ZNF280D: variants seen among roughly 807,000 people sequenced by gnomAD.
ZNF280D encodes the protein zinc finger protein 280D, also known as suppressor of hairy wing homolog 4.
Under a neutral mutation model 94.7 loss-of-function variants are expected in ZNF280D, and 39 were observed. That is an observed-to-expected ratio of 0.41 (90% CI 0.32 to 0.54). The LOEUF (loss-of-function observed/expected upper bound fraction) is 0.54, where lower values mean the gene tolerates loss of function less well. Among genes scored for constraint, ZNF280D ranks in the 20% least tolerant of loss-of-function variants. The pLI is 0.22. For missense variants in ZNF280D, 1,090 were observed against 1,149.3 expected (o/e 0.95, Z 0.75); for synonymous variants, 398 against 377.6 (o/e 1.05, Z -0.63).
Position 56,689,283 on chromosome 15 carries a change from C to G in ZNF280D, c.670+17G>C. On this transcript the variant is annotated intron_variant, in intron 8 of 21. Transcript: ENST00000267807. Reference sequence around the variant, plus strand: ...AAATACTATAACTTCTTTTTATGTACCACATTTCATATTTACCTTTTGCTA... The same window carrying G: ...AAATACTATAACTTCTTTTTATGTAGCACATTTCATATTTACCTTTTGCTA... 1 of 1,586,620 alleles carries G rather than the reference C, an allele frequency of 6.3e-7. No individual in the cohort carries two copies. The highest frequency in any genetic ancestry group is 8.5e-7 in the Non-Finnish European group (1 of 1,171,214).
Position 56,642,662 on chromosome 15 carries a change from T to G in ZNF280D, c.2259+290A>C, listed in dbSNP as rs143888011. Among the ~76,000 whole-genome samples the G allele has an allele frequency of 1.4e-4, 22 of 151,852 alleles. No homozygotes were observed. In the East Asian group the frequency reaches 4.2e-3, roughly 29 times the overall value. ...GCCAAATGATTGAGGTTTTACTGAT[T>G]TGGGGATTTTTAATTCATAAATTTA... On this transcript the variant is annotated intron_variant, in intron 20 of 21. Transcript: ENST00000267807.
intron 10 of ZNF280D, among the ~76,000 whole-genome samples, chr15:56,679,362 C>T (rs2055466047): frequency 6.6e-6 from 1 of 152,276 alleles, no homozygotes; most frequent in Non-Finnish European, 1.5e-5. Context: ...TTACTTGTAT[C>T]TTGGTTTCTA....
intron 17 of ZNF280D, chr15:56,654,828 T>C (rs1004982919): frequency 8.5e-6 from 4 of 472,064 alleles, no homozygotes; most frequent in East Asian, 1.3e-4. Flanking sequence ...ACATTCTATT[T>C]GTCCTCCCAC....
chr15:56,633,552 A>G (rs2052196252), intron 21 of ZNF280D, among the ~76,000 whole-genome samples: 1 of 151,736 alleles, frequency 6.6e-6, no homozygotes, highest in Non-Finnish European at 1.5e-5. Context: ...GTGCAGTGGC[A>G]TGATCTCGGC....
chr15:56,689,372 C>T lies in ZNF280D; in HGVS notation c.598G>A (p.Ala200Thr). The T allele has an allele frequency of 6.2e-7, 1 of 1,609,746 alleles. No individual in the cohort carries two copies. Among genetic ancestry groups the T allele is most frequent in the Non-Finnish European group, 8.5e-7 (1 of 1,177,938 alleles). The change falls in exon 8 of 22, where the codon GCA (alanine) becomes ACA (threonine). Residue 200 changes from alanine (A) to threonine (T), a missense_variant. This residue lies in a region of ZNF280D where 386 missense variants were observed against 372.0 expected (regional missense o/e 1.04). Transcript: ENST00000267807. ...KPKPSESVSG[A>T]NSSAVLPSVK... ...GAAGGTAATACAGCTGAGGAATTTGCTCCAGAAACACTTTCGCTGGGTTTA... is the reference window on the plus strand; with the variant it reads ...GAAGGTAATACAGCTGAGGAATTTGTTCCAGAAACACTTTCGCTGGGTTTA...
rs2052076929 is a variant in ZNF280D, at chr15:56,631,593, C to T, written c.2845G>A (p.Val949Ile). The T allele has an allele frequency of 6.2e-7, 1 of 1,614,130 alleles. No individual in the cohort carries two copies. Among genetic ancestry groups the T allele is most frequent in the East Asian group, 2.2e-5 (1 of 44,874 alleles). Residue 949 changes from valine (V) to isoleucine (I), a missense_variant, in exon 22 of 22, where the codon GTA becomes ATA. Physicochemically the swap from Val to Ile is conservative, Grantham distance 29. This residue lies in a region of ZNF280D where 577 missense variants were observed against 568.8 expected (regional missense o/e 1.01). Transcript: ENST00000267807. ...ATGTCATCTGTTTGATCAGACACTA[C>T]TTCATCAGTCTTGGCTGAAGGATCA... ...SGDPSAKTDE[V>I]VSDQTDDIPG...
intron 6 of ZNF280D, chr15:56,698,921 C>G (rs2056902556): frequency 6.6e-6 from 1 of 152,266 alleles, no homozygotes; most frequent in Non-Finnish European, 1.5e-5. Context: ...TCAGATGAAA[C>G]TGCAACTTCA....
intron 1 of ZNF280D, among the ~76,000 whole-genome samples, chr15:56,713,006 C>A (rs1215113527): frequency 6.6e-6 from 1 of 152,166 alleles, no homozygotes; most frequent in African/African-American, 2.4e-5. Flanking sequence ...TCCCAAAGTG[C>A]TGGCATTACA....
chr15:56,716,587 A>G (rs915658976), intron 1 of ZNF280D, among the ~76,000 whole-genome samples: 1 of 152,046 alleles, frequency 6.6e-6, no homozygotes, highest in Non-Finnish European at 1.5e-5. Flanking sequence ...TGAAGCACCT[A>G]TGGACTGTGT....
chr15:56,706,554 C>A (rs1456608138), intron 3 of ZNF280D, among the ~76,000 whole-genome samples: 1 of 151,998 alleles, frequency 6.6e-6, no homozygotes, highest in Non-Finnish European at 1.5e-5. Flanking sequence ...AAACCCTTCC[C>A]ATATGGCCCC....
chr15:56,644,625 A>ATTTCTT (rs2052791203), intron 19 of ZNF280D, among the ~76,000 whole-genome samples: 1 of 152,188 alleles, frequency 6.6e-6, no homozygotes, highest in African/African-American at 2.4e-5. Context: ...AGTAAGACCT[A>ATTTCTT]TTATATTCTT....
At chr15:56,671,469 G>A (rs1195293857) in intron 13 of ZNF280D, among the ~76,000 whole-genome samples, 6 of 151,866 alleles carry the variant, frequency 4.0e-5, no homozygotes, top group East Asian at 1.9e-4. Flanking sequence ...CAGGTTTGTC[G>A]AAGATCAGAT....
chr15:56,697,723 A>G (rs1259333981), intron 6 of ZNF280D: 1 of 152,180 alleles, frequency 6.6e-6, no homozygotes, highest in Non-Finnish European at 1.5e-5. Context: ...ATATCTATCA[A>G]TATTTTCCAT....
chr15:56,727,709 A>T (rs1048159047), intron 1 of ZNF280D, among the ~76,000 whole-genome samples: 1 of 152,202 alleles, frequency 6.6e-6, no homozygotes. Context: ...AAGGCATTTC[A>T]CAACTATTAG....
intron 6 of ZNF280D, chr15:56,699,691 T>G: frequency 1.8e-6 from 1 of 564,128 alleles, no homozygotes; most frequent in Non-Finnish European, 2.2e-6. Flanking sequence ...TCAGGTAGTT[T>G]ACCTCACAAT....
chr15:56,658,736 T>G (rs2053714915), intron 16 of ZNF280D, among the ~76,000 whole-genome samples: 1 of 152,152 alleles, frequency 6.6e-6, no homozygotes, highest in African/African-American at 2.4e-5. Flanking sequence ...TACCATTATA[T>G]TAAAAAAGGA....
chr15:56,641,971 G>T (rs2052650429), intron 20 of ZNF280D, among the ~76,000 whole-genome samples: 1 of 151,394 alleles, frequency 6.6e-6, no homozygotes. Flanking sequence ...TATATAATAA[G>T]AATAGAAAAA....
chr15:56,714,953 G>A (rs1304995927), intron 1 of ZNF280D, among the ~76,000 whole-genome samples: 1 of 152,066 alleles, frequency 6.6e-6, no homozygotes, highest in Non-Finnish European at 1.5e-5. Context: ...CTATTAGGGG[G>A]ATTATGATGA....
chr15:56,655,450 C>T (rs1596367121), intron 17 of ZNF280D, among the ~76,000 whole-genome samples: 1 of 82 alleles, frequency 0.012, no homozygotes, highest in South Asian at 0.5. Context: ...TTGTGATCAG[C>T]CCCACCTCGG....
Sources: allele counts gnomAD v4.1 joint callset (sites outside exome capture counted in the v4.1 genomes callset), GRCh38; gene constraint gnomAD v4.1.1; regional missense constraint gnomAD v4.1.1; transcripts MANE v1.5; gene names NCBI Gene and HGNC (gene_info 2026-07-23, HGNC 2026-07-21).